The following SPATA13 variants were observed in gnomAD, a reference collection of about 807,000 sequenced individuals.
The protein encoded by SPATA13 is spermatogenesis-associated protein 13.
Under a neutral mutation model 104.0 loss-of-function variants are expected in SPATA13, and 50 were observed. The observed-to-expected ratio is 0.48, with a 90% CI of 0.38 to 0.61. The LOEUF (loss-of-function observed/expected upper bound fraction) is 0.61. Ranked by LOEUF, SPATA13 falls within the 20% of genes least tolerant of loss-of-function variation. The pLI is 0.00. For synonymous variants in SPATA13, 606 were observed against 667.5 expected (o/e 0.91, Z 1.42); for missense variants, 1,524 against 1,690.6 (o/e 0.90, Z 1.73).
At chr13:24,269,988 T>C (rs1248014008) in intron 4 of SPATA13, among the ~76,000 whole-genome samples, 1 of 152,014 alleles carries the variant, frequency 6.6e-6, no homozygotes, top group African/African-American at 2.4e-5. Context: ...TCCTGAGTAG[T>C]TGGGATTACA....
At chr13:24,056,277 C>A (rs1288831612) in intron 3 of SPATA13, among the ~76,000 whole-genome samples, 1 of 152,162 alleles carries the variant, frequency 6.6e-6, no homozygotes, top group African/African-American at 2.4e-5. Flanking sequence ...ACTATATGTC[C>A]ACCTTCAAGT....
intron 3 of SPATA13, among the ~76,000 whole-genome samples, chr13:24,098,536 G>A (rs563067929): frequency 1.3e-5 from 2 of 151,176 alleles, no homozygotes; most frequent in East Asian, 1.9e-4. Context: ...GTTTGAGGCC[G>A]CACTGAGCTG....
At chr13:24,230,746 G>C (rs1473098028) in intron 2 of SPATA13, among the ~76,000 whole-genome samples, 1 of 152,190 alleles carries the variant, frequency 6.6e-6, no homozygotes, top group Non-Finnish European at 1.5e-5. Flanking sequence ...ACGGCTTGCA[G>C]AACTTCTGTA....
At chr13:24,220,172 C>T (rs550562361) in intron 1 of SPATA13, among the ~76,000 whole-genome samples, 1 of 152,154 alleles carries the variant, frequency 6.6e-6, no homozygotes, top group Admixed American at 6.5e-5. Flanking sequence ...GTACCTCTTC[C>T]TCTGTAGACA....
chr13:24,002,351 G>A (rs796150654), intron 2 of SPATA13, among the ~76,000 whole-genome samples: 88 of 152,294 alleles, frequency 5.8e-4, no homozygotes, highest in African/African-American at 2.1e-3. Context: ...ACGTTCTGTC[G>A]TCTTGGAGTG....
intron 3 of SPATA13, among the ~76,000 whole-genome samples, chr13:24,098,853 G>A (rs1412595437): frequency 1.3e-5 from 2 of 151,490 alleles, no homozygotes; most frequent in Non-Finnish European, 2.9e-5. Context: ...CTTGAGCCCA[G>A]GAGGTGGAGG....
rs1168059975 is a variant in SPATA13, at chr13:24,011,350, C to T, written c.-146-6317C>T. On this transcript the variant is annotated intron_variant, in intron 2 of 14. Transcript: ENST00000424834. The surrounding 1 kb of genome is among the most constrained non-coding windows in gnomAD (Gnocchi z 4.3). ...GGCCATCTCATGCTGTCTCACGTTCCGCAGCTGGTCTGGGCCCAAGTGCTG... is the reference window on the plus strand; with the variant it reads ...GGCCATCTCATGCTGTCTCACGTTCTGCAGCTGGTCTGGGCCCAAGTGCTG... Among the ~76,000 whole-genome samples, 2 of 152,090 alleles carry T rather than the reference C, an allele frequency of 1.3e-5. No homozygotes were observed. Among genetic ancestry groups the T allele is most frequent in the Non-Finnish European group, 2.9e-5 (2 of 67,996 alleles).
chr13:24,144,668 G>A (rs1221954483), intron 3 of SPATA13, among the ~76,000 whole-genome samples: 1 of 152,078 alleles, frequency 6.6e-6, no homozygotes, highest in Non-Finnish European at 1.5e-5. Flanking sequence ...CACCAGCCCC[G>A]CTGCAGCAGC....
rs1305626891 is a variant in SPATA13 at position 24,225,767 on chromosome 13, C to A, written c.1653+1185C>A. Among the ~76,000 whole-genome samples the A allele has an allele frequency of 2.6e-5, 4 of 152,184 alleles. No individual in the cohort carries two copies. The East Asian group carries it at 7.7e-4, about 29-fold the overall frequency. On this transcript the variant is annotated intron_variant, in intron 2 of 12. Coordinates refer to ENST00000382108, the MANE Select transcript of SPATA13 (RefSeq NM_001166271.3). ...CCCAGAAGGGTTGCCACTCTTCACG[C>A]CTGCAGTCCAGGGGCATGTCACTGT...
intron 3 of SPATA13, among the ~76,000 whole-genome samples, chr13:24,119,517 C>A (rs1392514893): frequency 6.6e-6 from 1 of 152,144 alleles, no homozygotes; most frequent in Non-Finnish European, 1.5e-5. Flanking sequence ...GGGCATCTCT[C>A]AGAGCTTCTT....
At chr13:24,029,141 C>T (rs1377911168) in intron 3 of SPATA13, among the ~76,000 whole-genome samples, 1 of 152,120 alleles carries the variant, frequency 6.6e-6, no homozygotes, top group Admixed American at 6.6e-5. Context: ...CCAAGCTGAA[C>T]TTAAACTCCT....
In SPATA13 at chr13:24,267,634, A is replaced by G. The variant is rs148574294; in HGVS notation, c.2164+15772A>G. 2.9e-3 allele frequency among the ~76,000 whole-genome samples: 437 copies of G among 152,356 alleles called. 3 individuals are homozygous for G. Among genetic ancestry groups the G allele is most frequent in the African/African-American group, 9.9e-3 (412 of 41,572 alleles). On this transcript the variant is annotated intron_variant, in intron 4 of 12. Transcript: ENST00000382108. ...TTAACCAAAAAAAAAATTTTTGTAG[A>G]AAATGAAAACACTGGATTTTATTTG...
At chr13:24,248,295 A>G (rs1873276904) in intron 2 of SPATA13, among the ~76,000 whole-genome samples, 2 of 152,222 alleles carry the variant, frequency 1.3e-5, no homozygotes, top group Non-Finnish European at 2.9e-5. Context: ...GTTGCGTCTC[A>G]TCCTTCTAAG....
intron 3 of SPATA13, among the ~76,000 whole-genome samples, chr13:24,039,876 C>T (rs1297420188): frequency 2.0e-5 from 3 of 152,150 alleles, no homozygotes; most frequent in African/African-American, 4.8e-5. Flanking sequence ...CCTCTAGCAC[C>T]GTCCCCACCA....
intron 3 of SPATA13, among the ~76,000 whole-genome samples, chr13:24,027,593 T>G (rs1040323115): frequency 6.6e-6 from 1 of 152,224 alleles, no homozygotes; most frequent in Non-Finnish European, 1.5e-5. Flanking sequence ...TCTTGGGTTT[T>G]TTGAGTTGCT....
intron 3 of SPATA13, among the ~76,000 whole-genome samples, chr13:24,141,965 G>A (rs1392416871): frequency 6.6e-6 from 1 of 152,090 alleles, no homozygotes; most frequent in Non-Finnish European, 1.5e-5. Context: ...CACCTCAGTA[G>A]GGCCTCTCAG....
chr13:24,289,330 A>C (rs1461065562), intron 8 of SPATA13, 152 bp downstream of exon 8: 1 of 643,888 alleles, frequency 1.6e-6, no homozygotes, highest in Non-Finnish European at 2.6e-6. Context: ...TTATATGCTT[A>C]TCATATAAAC....
intron 3 of SPATA13, among the ~76,000 whole-genome samples, chr13:24,047,247 T>A (rs1878184088): frequency 6.6e-6 from 1 of 152,192 alleles, no homozygotes; most frequent in African/African-American, 2.4e-5. Flanking sequence ...GTGTTATCTA[T>A]AGGAACAATT....
chr13:24,102,134 C>G (rs922455143), intron 3 of SPATA13, among the ~76,000 whole-genome samples: 2 of 152,208 alleles, frequency 1.3e-5, no homozygotes, highest in Non-Finnish European at 2.9e-5. Context: ...ACATCCTTAG[C>G]AGCAGTTGTT....
Sources: gnomAD v4.1 joint callset for allele counts (sites outside exome capture counted in the v4.1 genomes callset) on GRCh38, gnomAD v4.1.1 for gene constraint, Gnocchi (gnomAD v3.1) non-coding constraint, MANE v1.5 for transcripts, NCBI Gene and HGNC (gene_info 2026-07-23, HGNC 2026-07-21) for gene names.